The following MARCHF1 variants were observed in gnomAD, a reference collection of about 807,000 sequenced individuals.
MARCHF1 encodes the protein membrane associated ring-CH-type finger 1.
A neutral mutation model predicts 54.2 loss-of-function variants in MARCHF1; 40 were observed. The observed-to-expected ratio is 0.74, with a 90% CI of 0.57 to 0.96. The LOEUF is 0.96. MARCHF1 is among the 40% of genes least tolerant of loss of function. The probability of loss-of-function intolerance (pLI) is 0.00; values close to 1 mark genes in which losing one functional copy is unlikely to be tolerated. For synonymous variants in MARCHF1, 236 were observed against 236.3 expected (o/e 1.00, Z 0.01); for missense variants, 586 against 656.5 (o/e 0.89, Z 1.17).
At position 163,932,643 on chromosome 4, in the gene MARCHF1, C is replaced by T. The variant is rs531743870; in HGVS notation, c.-39+55858G>A. Reference sequence around the variant, plus strand: ...CGAGCTGTCCTATGAGGAGTGCAACCTGCTTTCCGTGGCCTACATGAGTGC... The same window carrying T: ...CGAGCTGTCCTATGAGGAGTGCAACTTGCTTTCCGTGGCCTACATGAGTGC... On this transcript the variant is annotated intron_variant, in intron 3 of 9. Coordinates refer to ENST00000514618, the MANE Select transcript of MARCHF1 (RefSeq NM_001394959.1). The T allele has an allele frequency of 3.1e-4, 144 of 457,888 alleles. 1 individual carries two copies. Among genetic ancestry groups the T allele is most frequent in the South Asian group, 2.3e-3 (129 of 55,628 alleles). The allele number at this position is 457,888 out of a possible 1,614,324, so 28.4% of individuals were successfully genotyped here.
chr4:164,055,312 C>G (rs1487347456), intron 2 of MARCHF1: 1 of 151,970 alleles, frequency 6.6e-6, no homozygotes, highest in Non-Finnish European at 1.5e-5. Flanking sequence ...GGCATGTTGG[C>G]ACACGTCTAT....
intron 1 of MARCHF1, among the ~76,000 whole-genome samples, chr4:164,302,799 G>A (rs191351421): frequency 0.012 from 1,773 of 150,958 alleles, 30 homozygotes; most frequent in African/African-American, 0.039. Context: ...AACCTGGGAG[G>A]TGGAGGTTGC....
intron 4 of MARCHF1, among the ~76,000 whole-genome samples, chr4:163,845,957 A>G (rs1279372603): frequency 6.6e-6 from 1 of 152,152 alleles, no homozygotes; most frequent in East Asian, 1.9e-4. Flanking sequence ...AACCATTGGG[A>G]CATATTTTTA....
intron 3 of MARCHF1, among the ~76,000 whole-genome samples, chr4:163,980,446 C>G (rs966551080): frequency 6.6e-6 from 1 of 150,414 alleles, no homozygotes; most frequent in Non-Finnish European, 1.5e-5. Flanking sequence ...CCATTCAGGA[C>G]ATAGGCATGG....
chr4:164,073,778 AG>A (rs1754917898), intron 2 of MARCHF1, among the ~76,000 whole-genome samples: 1 of 151,980 alleles, frequency 6.6e-6, no homozygotes, highest in African/African-American at 2.4e-5. Flanking sequence ...TATTTTAGAA[AG>A]TTTTTTTTTT....
chr4:164,142,982 C>T (rs184867324), intron 1 of MARCHF1, among the ~76,000 whole-genome samples: 1 of 151,738 alleles, frequency 6.6e-6, no homozygotes, highest in Non-Finnish European at 1.5e-5. Context: ...CTTAACGGAG[C>T]TGATGGAGCT....
chr4:163,550,632 A>T (rs1167442760), intron 8 of MARCHF1, among the ~76,000 whole-genome samples: 1 of 151,972 alleles, frequency 6.6e-6, no homozygotes, highest in Non-Finnish European at 1.5e-5. Flanking sequence ...TCTGCCTGTC[A>T]TATTGGATTT....
intron 1 of MARCHF1, among the ~76,000 whole-genome samples, chr4:164,345,275 T>A (rs1351282831): frequency 6.6e-6 from 1 of 152,004 alleles, no homozygotes; most frequent in Non-Finnish European, 1.5e-5. Flanking sequence ...ATTAAAAAAA[T>A]AAAATGTATG....
At chr4:163,631,386 T>A (rs2110992650) in intron 5 of MARCHF1, among the ~76,000 whole-genome samples, 1 of 152,258 alleles carries the variant, frequency 6.6e-6, no homozygotes, top group African/African-American at 2.4e-5. Context: ...AGAGATGGGC[T>A]TTCACCGTGT....
chr4:163,787,522 C>G (rs1207859725), intron 4 of MARCHF1, among the ~76,000 whole-genome samples: 2 of 151,300 alleles, frequency 1.3e-5, no homozygotes, highest in African/African-American at 2.4e-5. Flanking sequence ...ACCACGGTGA[C>G]ATATTATCTC....
chr4:163,669,738 A>G (rs7677918), intron 5 of MARCHF1, among the ~76,000 whole-genome samples: 29,780 of 151,916 alleles, frequency 0.2, 3,778 homozygotes, highest in East Asian at 0.41. Flanking sequence ...AGATGGAATT[A>G]CAGGCACCTG....
chr4:163,639,790 G>C (rs1407422461), intron 5 of MARCHF1, among the ~76,000 whole-genome samples: 1 of 151,634 alleles, frequency 6.6e-6, no homozygotes. Context: ...ATCTAATAAG[G>C]AGGAGGAGTA....
chr4:164,306,383 C>A (rs2111409608), intron 1 of MARCHF1, among the ~76,000 whole-genome samples: 1 of 152,234 alleles, frequency 6.6e-6, no homozygotes, highest in East Asian at 1.9e-4. Context: ...CTATCAAGGT[C>A]ACACTCCAAG....
At chr4:163,851,300 C>T (rs1749634957) in intron 4 of MARCHF1, among the ~76,000 whole-genome samples, 1 of 152,108 alleles carries the variant, frequency 6.6e-6, no homozygotes, top group Non-Finnish European at 1.5e-5. Context: ...TTCAAAGATC[C>T]TCTCTGACCT....
chr4:163,924,041 TA>T (rs1231793706), intron 3 of MARCHF1, among the ~76,000 whole-genome samples: 1 of 152,076 alleles, frequency 6.6e-6, no homozygotes, highest in African/African-American at 2.4e-5. Context: ...TATTTTGTGT[TA>T]AAATGTATTT....
At chr4:164,154,853 G>A (rs1026473469) in intron 1 of MARCHF1, among the ~76,000 whole-genome samples, 1 of 152,180 alleles carries the variant, frequency 6.6e-6, no homozygotes, top group Non-Finnish European at 1.5e-5. Context: ...AGAAGACTCA[G>A]GTCACACACG....
intron 2 of MARCHF1, among the ~76,000 whole-genome samples, chr4:164,026,257 C>A (rs116763752): frequency 6.6e-6 from 1 of 152,002 alleles, no homozygotes. Context: ...CAGCTTGATA[C>A]CAAAATCTGG....
intron 4 of MARCHF1, among the ~76,000 whole-genome samples, chr4:163,727,218 T>C (rs1383320650): frequency 1.3e-5 from 2 of 152,220 alleles, no homozygotes; most frequent in African/African-American, 4.8e-5. Flanking sequence ...AAAAATAATT[T>C]TATGGTTTTG....
chr4:163,852,772 A>C (rs1312481197), intron 4 of MARCHF1, among the ~76,000 whole-genome samples: 1 of 152,162 alleles, frequency 6.6e-6, no homozygotes, highest in Non-Finnish European at 1.5e-5. Flanking sequence ...AGGTTAATTC[A>C]AGGTCGCTAT....
Sources: gnomAD v4.1 joint callset for allele counts (sites outside exome capture counted in the v4.1 genomes callset) on GRCh38, gnomAD v4.1.1 for gene constraint, MANE v1.5 for transcripts, NCBI Gene and HGNC (gene_info 2026-07-23, HGNC 2026-07-21) for gene names.